SYK: variants seen among roughly 807,000 people sequenced by gnomAD.
SYK encodes the protein spleen associated tyrosine kinase.
In SYK, 16 loss-of-function variants were observed where a neutral mutation model predicts 77.8. That is an observed-to-expected ratio of 0.21 (90% confidence interval 0.14 to 0.31). SYK has a LOEUF of 0.31. SYK is among the 10% of genes least tolerant of loss of function. SYK has a pLI of 1.00. For synonymous variants in SYK, 312 were observed against 308.7 expected (o/e 1.01, Z -0.11); for missense variants, 529 against 814.4 (o/e 0.65, Z 4.26).
chr9:90,853,247 G>A (rs188412627), intron 3 of SYK, among the ~76,000 whole-genome samples: 28 of 148,154 alleles, frequency 1.9e-4, no homozygotes, highest in African/African-American at 6.5e-4. Flanking sequence ...CTAGTGTGTC[G>A]CTAACTATAG....
intron 1 of SYK, among the ~76,000 whole-genome samples, chr9:90,802,228 AC>A (rs1283615973): frequency 6.6e-6 from 1 of 152,088 alleles, no homozygotes; most frequent in African/African-American, 2.4e-5. Flanking sequence ...CCCTCGGGAG[AC>A]GCGGGATTGG....
chr9:90,835,007 G>A (rs1407151531), intron 1 of SYK, among the ~76,000 whole-genome samples: 1 of 152,170 alleles, frequency 6.6e-6, no homozygotes, highest in Non-Finnish European at 1.5e-5. Flanking sequence ...GGGGAATGGG[G>A]TGCTACTGGC....
intron 1 of SYK, among the ~76,000 whole-genome samples, chr9:90,803,690 G>A (rs1296155857): frequency 6.6e-6 from 1 of 151,932 alleles, no homozygotes; most frequent in African/African-American, 2.4e-5. Context: ...TTTGCCCATG[G>A]TTATAATCCA....
At chr9:90,866,243 C>T (rs1827491802) in intron 6 of SYK, among the ~76,000 whole-genome samples, 1 of 152,138 alleles carries the variant, frequency 6.6e-6, no homozygotes, top group Admixed American at 6.5e-5. Flanking sequence ...TGAAGTGCGC[C>T]CTCTGCACCT....
chr9:90,861,295 G>C (rs778903822), intron 3 of SYK, among the ~76,000 whole-genome samples: 2 of 152,120 alleles, frequency 1.3e-5, no homozygotes, highest in Non-Finnish European at 2.9e-5. Context: ...CTGTGTTTCT[G>C]TTCACCAGGA....
At chr9:90,832,178 G>C (rs943380580) in intron 1 of SYK, among the ~76,000 whole-genome samples, 1 of 152,198 alleles carries the variant, frequency 6.6e-6, no homozygotes, top group African/African-American at 2.4e-5. Context: ...TGCAAATTCA[G>C]CTTTCATGGT....
intron 11 of SYK, among the ~76,000 whole-genome samples, chr9:90,881,111 T>C (rs572341541): frequency 6.6e-6 from 1 of 152,304 alleles, no homozygotes; most frequent in South Asian, 2.1e-4. Flanking sequence ...CTTCAAAGGA[T>C]GGGATAGATA....
intron 11 of SYK, among the ~76,000 whole-genome samples, chr9:90,884,344 C>CAT (rs143653073): frequency 2.9e-4 from 30 of 104,546 alleles, no homozygotes; most frequent in African/African-American, 3.4e-4. Flanking sequence ...TATATACACA[C>CAT]ATACACATAC....
At chr9:90,881,825 C>T (rs1828169902) in intron 11 of SYK, among the ~76,000 whole-genome samples, 1 of 152,110 alleles carries the variant, frequency 6.6e-6, no homozygotes, top group African/African-American at 2.4e-5. Context: ...TTCTTTGATC[C>T]AGCAGCTCCT....
chr9:90,820,348 C>A (rs1825468433), intron 1 of SYK, among the ~76,000 whole-genome samples: 1 of 152,242 alleles, frequency 6.6e-6, no homozygotes. Context: ...GCTGTCCTAG[C>A]AGAGGTTATC....
intron 3 of SYK, among the ~76,000 whole-genome samples, chr9:90,850,060 G>T (rs72729050): frequency 0.025 from 3,803 of 152,300 alleles, 165 homozygotes; most frequent in East Asian, 0.22. Flanking sequence ...TTCTGCAGGT[G>T]AGAAAACCAG....
At chr9:90,886,349 T>A (rs1828575735) in intron 11 of SYK, among the ~76,000 whole-genome samples, 1 of 152,246 alleles carries the variant, frequency 6.6e-6, no homozygotes, top group Admixed American at 6.5e-5. Context: ...GGAACTCTTA[T>A]ACACTGTTTG....
At chr9:90,864,466 T>A in intron 4 of SYK, 123 bp from the exon 5 acceptor site, 1 of 796,892 alleles carries the variant, frequency 1.3e-6, no homozygotes, top group Non-Finnish European at 2.0e-6. Flanking sequence ...CTTAAGCACA[T>A]AAAAGCATTT....
chr9:90,884,392 TACATACACATATGTGTATATATAC>T (rs1828344622), intron 11 of SYK, among the ~76,000 whole-genome samples: 1 of 62,686 alleles, frequency 1.6e-5, no homozygotes, highest in Non-Finnish European at 3.2e-5. Flanking sequence ...TATATATGCA[TACATACACATATGTGTATATATAC>T]ATACATATAC....
At chr9:90,831,599 C>G (rs1253043498) in intron 1 of SYK, among the ~76,000 whole-genome samples, 1 of 152,210 alleles carries the variant, frequency 6.6e-6, no homozygotes, top group Non-Finnish European at 1.5e-5. Flanking sequence ...TATCAGTCCT[C>G]ATGATTCATG....
rs998499011 is a variant in SYK, at chr9:90,897,575, A to C, written c.*1975A>C. ...TCTTCAACACAGGCCCCGTGCTCGT[A>C]GGAATACGGTAGCACCTATGTAGGA... On this transcript the variant is annotated 3_prime_UTR_variant, in exon 14 of 14. Transcript: ENST00000375754. The C allele has an allele frequency of 4.3e-6, 1 of 230,172 alleles. No individual in the cohort carries two copies. The highest frequency in any genetic ancestry group is 8.6e-6 in the Non-Finnish European group (1 of 116,114). The allele number at this position is 230,172 out of a possible 1,614,324, so 14.3% of individuals were successfully genotyped here. A position where few individuals can be genotyped will look rare whatever the true frequency, so the allele number is the denominator to read the frequency against.
intron 7 of SYK, among the ~76,000 whole-genome samples, chr9:90,873,823 A>G (rs1388904083): frequency 6.6e-6 from 1 of 152,204 alleles, no homozygotes; most frequent in Non-Finnish European, 1.5e-5. Flanking sequence ...GAAGAGCACA[A>G]GTTAAAGAAG....
intron 1 of SYK, among the ~76,000 whole-genome samples, chr9:90,824,709 G>A (rs1252080496): frequency 2.6e-5 from 4 of 151,244 alleles, no homozygotes; most frequent in African/African-American, 9.7e-5. Flanking sequence ...ACTAGGAATA[G>A]AGGAAAACTT....
intron 3 of SYK, among the ~76,000 whole-genome samples, chr9:90,854,288 A>G (rs141116326): frequency 1.3e-3 from 198 of 152,330 alleles, no homozygotes; most frequent in African/African-American, 4.7e-3. Context: ...GACGGCTCAC[A>G]GCAGGAGAGG....
Sources: allele counts gnomAD v4.1 joint callset (sites outside exome capture counted in the v4.1 genomes callset), GRCh38; gene constraint gnomAD v4.1.1; transcripts MANE v1.5; gene names NCBI Gene and HGNC (gene_info 2026-07-23, HGNC 2026-07-21).